The following UNC5C variants were observed in gnomAD, a reference collection of about 807,000 sequenced individuals.
UNC5C encodes unc-5 netrin receptor C.
Under a neutral mutation model 99.8 loss-of-function variants are expected in UNC5C, and 47 were observed. That is an observed-to-expected ratio of 0.47 (90% confidence interval 0.37 to 0.60). UNC5C has a LOEUF of 0.60. Ranked by LOEUF, UNC5C falls within the 20% of genes least tolerant of loss-of-function variation. The pLI is 0.00. For missense variants in UNC5C, 1,062 were observed against 1,165.9 expected (o/e 0.91, Z 1.30); for synonymous variants, 487 against 452.2 (o/e 1.08, Z -0.98).
intron 1 of UNC5C, among the ~76,000 whole-genome samples, chr4:95,474,207 T>A (rs1324970135): frequency 6.6e-6 from 1 of 152,132 alleles, no homozygotes; most frequent in Admixed American, 6.6e-5. Context: ...ACTGTCCCAC[T>A]GCCACAAAGT....
At chr4:95,259,738 A>G (rs1251246763) in intron 4 of UNC5C, among the ~76,000 whole-genome samples, 1 of 152,220 alleles carries the variant, frequency 6.6e-6, no homozygotes, top group African/African-American at 2.4e-5. Context: ...AATAAGTAGA[A>G]AAGATTTTTA....
intron 3 of UNC5C, among the ~76,000 whole-genome samples, chr4:95,283,553 C>T (rs1187090352): frequency 1.3e-5 from 2 of 152,214 alleles, no homozygotes; most frequent in Non-Finnish European, 2.9e-5. Context: ...AGATTTTAAG[C>T]ATATCTTTTA....
At chr4:95,200,739 C>T (rs537654624) in intron 12 of UNC5C, among the ~76,000 whole-genome samples, 3 of 152,258 alleles carry the variant, frequency 2.0e-5, no homozygotes, top group South Asian at 4.1e-4. Context: ...ATCTCTGTTT[C>T]AAAATCTGCT....
chr4:95,538,505 T>C (rs138830524), intron 1 of UNC5C, among the ~76,000 whole-genome samples: 2,067 of 152,300 alleles, frequency 0.014, 49 homozygotes, highest in African/African-American at 0.047. Flanking sequence ...ACCTCCCTCA[T>C]TAGGATTTAG....
At chr4:95,521,084 C>G (rs1367947765) in intron 1 of UNC5C, among the ~76,000 whole-genome samples, 1 of 152,014 alleles carries the variant, frequency 6.6e-6, no homozygotes, top group African/African-American at 2.4e-5. Context: ...GTTCTGGAGA[C>G]CGAGACCAGG....
intron 1 of UNC5C, among the ~76,000 whole-genome samples, chr4:95,526,603 TTTTAA>T (rs1410288597): frequency 1.3e-5 from 2 of 152,088 alleles, no homozygotes; most frequent in African/African-American, 2.4e-5. Context: ...TCTATCAAGT[TTTTAA>T]TTTGTGTCTT....
At chr4:95,433,876 C>A (rs1363222054) in intron 1 of UNC5C, among the ~76,000 whole-genome samples, 1 of 152,044 alleles carries the variant, frequency 6.6e-6, no homozygotes, top group Non-Finnish European at 1.5e-5. Context: ...AGCCTTCTCT[C>A]TTTTTCTCAC....
chr4:95,185,123 C>T lies in UNC5C; in HGVS notation c.2210G>A (p.Ser737Asn). ...AATTGACAGGCGCAGGTTGTGGGTGCTGCCTTTAAAATGAAGAGCCTTAGG... is the reference window on the plus strand; with the variant it reads ...AATTGACAGGCGCAGGTTGTGGGTGTTGCCTTTAAAATGAAGAGCCTTAGG... ...EEPKALHFKGSTHNLRLSIHD... is the reference protein window; with the variant it reads ...EEPKALHFKGNTHNLRLSIHD... Residue 737 changes from serine to asparagine, a missense_variant, in exon 13 of 16, where the codon AGC (serine) becomes AAC (asparagine). Around this residue, in one of 3 missense-constraint regions of UNC5C, gnomAD observed 810 missense variants for 854.5 expected, o/e 0.95. Transcript: ENST00000453304. 1 of 1,613,992 alleles carries T rather than the reference C, an allele frequency of 6.2e-7. No individual in the cohort carries two copies. The highest frequency in any genetic ancestry group is 8.5e-7 in the Non-Finnish European group (1 of 1,180,004).
intron 2 of UNC5C, among the ~76,000 whole-genome samples, chr4:95,335,132 A>G (rs1451660083): frequency 6.6e-6 from 1 of 151,990 alleles, no homozygotes. Flanking sequence ...GGCATTTAAC[A>G]TTGTCAGTCT....
chr4:95,241,549 A>G (rs1739330775), intron 7 of UNC5C, among the ~76,000 whole-genome samples: 3 of 152,228 alleles, frequency 2.0e-5, no homozygotes. Flanking sequence ...GCAATGTGTA[A>G]TGTATTATGA....
intron 2 of UNC5C, among the ~76,000 whole-genome samples, chr4:95,332,131 A>C: frequency 6.6e-6 from 1 of 152,194 alleles, no homozygotes; most frequent in Non-Finnish European, 1.5e-5. Context: ...ATATCATGAA[A>C]ATGGCCATAC....
chr4:95,188,887 G>C (rs1736950477), intron 12 of UNC5C, among the ~76,000 whole-genome samples: 1 of 152,188 alleles, frequency 6.6e-6, no homozygotes, highest in Non-Finnish European at 1.5e-5. Context: ...GTTCATGGGG[G>C]TTGGGGGGTG....
intron 4 of UNC5C, among the ~76,000 whole-genome samples, chr4:95,258,743 A>ACTCTTT (rs1184674099): frequency 5.8e-5 from 5 of 85,868 alleles, no homozygotes; most frequent in Non-Finnish European, 5.0e-5. Context: ...CGACCATCTT[A>ACTCTTT]TTCTTTTTTT....
intron 1 of UNC5C, among the ~76,000 whole-genome samples, chr4:95,454,311 G>A (rs1239172701): frequency 1.3e-5 from 2 of 151,992 alleles, no homozygotes; most frequent in Admixed American, 1.3e-4. Flanking sequence ...TGCAGAAAAA[G>A]GTGGAAGAAT....
chr4:95,329,110 A>G (rs1352943334), intron 2 of UNC5C, among the ~76,000 whole-genome samples: 1 of 152,040 alleles, frequency 6.6e-6, no homozygotes, highest in Non-Finnish European at 1.5e-5. Flanking sequence ...TGGGCAACAT[A>G]GCAAGACCCC....
At chr4:95,308,121 T>C (rs1408054449) in intron 2 of UNC5C, among the ~76,000 whole-genome samples, 2 of 152,172 alleles carry the variant, frequency 1.3e-5, no homozygotes, top group Non-Finnish European at 2.9e-5. Flanking sequence ...GGATCAATTA[T>C]GCAAGAGGAA....
intron 7 of UNC5C, among the ~76,000 whole-genome samples, chr4:95,233,560 GGAA>G (rs1455155772): frequency 6.6e-6 from 1 of 152,070 alleles, no homozygotes; most frequent in Non-Finnish European, 1.5e-5. Context: ...ATTTTCAAAA[GGAA>G]GAAGTAAGCA....
At chr4:95,438,262 C>T (rs946056229) in intron 1 of UNC5C, among the ~76,000 whole-genome samples, 1 of 152,006 alleles carries the variant, frequency 6.6e-6, no homozygotes, top group African/African-American at 2.4e-5. Context: ...TGTCAAAGTA[C>T]TACCAGTGAA....
chr4:95,314,711 G>A (rs561811392), intron 2 of UNC5C, among the ~76,000 whole-genome samples: 4 of 152,246 alleles, frequency 2.6e-5, no homozygotes, highest in African/African-American at 9.6e-5. Context: ...GAGCTCTCTA[G>A]CTGCTATTCA....
Sources: allele counts gnomAD v4.1 joint callset (sites outside exome capture counted in the v4.1 genomes callset), GRCh38; gene constraint gnomAD v4.1.1; regional missense constraint gnomAD v4.1.1; transcripts MANE v1.5; gene names NCBI Gene and HGNC (gene_info 2026-07-23, HGNC 2026-07-21).